NCS1: variants seen among roughly 807,000 people sequenced by gnomAD.
The protein encoded by NCS1 is neuronal calcium sensor 1, also known as frequenin homolog.
A neutral mutation model predicts 28.4 loss-of-function variants in NCS1; 6 were observed. That is an observed-to-expected ratio of 0.21 (90% CI 0.12 to 0.42). NCS1 has a LOEUF of 0.42. Ranked by LOEUF, NCS1 falls within the 10% of genes least tolerant of loss-of-function variation. The pLI is 1.00. For synonymous variants in NCS1, 86 were observed against 99.3 expected (o/e 0.87, Z 0.79); for missense variants, 131 against 241.4 (o/e 0.54, Z 3.03).
Position 130,180,465 on chromosome 9 carries a change from T to C in NCS1, c.64+7738T>C, listed in dbSNP as rs1188735738. ...CATCATCATTATGGTCATAACAAGA[T>C]GAATCAATTTTCACATTCTGTGTGT... is the stretch of plus-strand genomic sequence containing the variant. On this transcript the variant is annotated intron_variant, in intron 1 of 7. Coordinates refer to ENST00000372398, the MANE Select transcript of NCS1 (RefSeq NM_014286.4). This position sits in a 1 kb window ranked among gnomAD's most constrained non-coding sequence, Gnocchi z 4.5. Among the ~76,000 whole-genome samples the C allele has an allele frequency of 2.6e-5, 4 of 152,196 alleles. No homozygotes were observed. In the East Asian group the frequency reaches 7.7e-4, roughly 29 times the overall value.
In NCS1 at chr9:130,180,021, A is replaced by G. The variant is rs532550484; in HGVS notation, c.64+7294A>G. Among the ~76,000 whole-genome samples, 443 of 151,404 alleles carry G rather than the reference A, an allele frequency of 2.9e-3. 1 individual carries two copies. The highest frequency in any genetic ancestry group is 4.9e-3 in the Non-Finnish European group (336 of 67,890). ...TATCTATCTATCTATCTATCTATCTATCTATCTATCTATCTATCTATCTAT... is the reference window on the plus strand; with the variant it reads ...TATCTATCTATCTATCTATCTATCTGTCTATCTATCTATCTATCTATCTAT... On this transcript the variant is annotated intron_variant, in intron 1 of 7. Coordinates refer to ENST00000372398, the MANE Select transcript of NCS1 (RefSeq NM_014286.4). The surrounding 1 kb of genome is among the most constrained non-coding windows in gnomAD (Gnocchi z 4.5).
At chr9:130,196,311 A>T (rs1366151709) in intron 1 of NCS1, among the ~76,000 whole-genome samples, 3 of 152,190 alleles carry the variant, frequency 2.0e-5, no homozygotes, top group Non-Finnish European at 4.4e-5. Flanking sequence ...TGGTGCAGGG[A>T]TGCCTCTGTG....
Position 130,209,406 on chromosome 9 carries a change from C to T in NCS1, c.89+8424C>T, listed in dbSNP as rs974082120. On this transcript the variant is annotated intron_variant, in intron 2 of 7. Coordinates refer to ENST00000372398, the MANE Select transcript of NCS1 (RefSeq NM_014286.4). The surrounding 1 kb of genome is among the most constrained non-coding windows in gnomAD (Gnocchi z 4.4). ...AGGCCTGGCAGTGCGGGGGCTTGCTCAGGCCCTCAGAGAACTAGAGGCCAA... is the reference window on the plus strand; with the variant it reads ...AGGCCTGGCAGTGCGGGGGCTTGCTTAGGCCCTCAGAGAACTAGAGGCCAA... 1.3e-5 allele frequency among the ~76,000 whole-genome samples: 2 copies of T among 152,190 alleles called. No individual in the cohort carries two copies. Among genetic ancestry groups the T allele is most frequent in the Non-Finnish European group, 2.9e-5 (2 of 68,028 alleles).
intron 1 of NCS1, among the ~76,000 whole-genome samples, chr9:130,188,987 G>A (rs372872729): frequency 6.6e-6 from 1 of 152,220 alleles, no homozygotes; most frequent in Non-Finnish European, 1.5e-5. Flanking sequence ...AAAGTGCTGG[G>A]ATTACAGGCA....
intron 2 of NCS1, among the ~76,000 whole-genome samples, chr9:130,204,029 G>C (rs1160160045): frequency 6.6e-6 from 1 of 151,962 alleles, no homozygotes; most frequent in African/African-American, 2.4e-5. Context: ...GTCTCGCCTT[G>C]TTGCCCAGGC....
chr9:130,188,819 C>T (rs1409514693), intron 1 of NCS1, among the ~76,000 whole-genome samples: 3 of 151,634 alleles, frequency 2.0e-5, no homozygotes, highest in African/African-American at 4.8e-5. Context: ...TGGGTTCAAG[C>T]GATTCTCCTG....
intron 1 of NCS1, among the ~76,000 whole-genome samples, chr9:130,187,383 C>G (rs1045541557): frequency 6.6e-6 from 1 of 152,070 alleles, no homozygotes; most frequent in Non-Finnish European, 1.5e-5. Flanking sequence ...AGGTCAGGGC[C>G]GAGCCTCCAC....
At chr9:130,224,867 G>A (rs1833389914) in intron 6 of NCS1, among the ~76,000 whole-genome samples, 1 of 152,162 alleles carries the variant, frequency 6.6e-6, no homozygotes, top group Non-Finnish European at 1.5e-5. Flanking sequence ...ATGACGTTAG[G>A]GAAATCCAGG....
intron 2 of NCS1, among the ~76,000 whole-genome samples, chr9:130,217,207 G>A (rs547381358): frequency 1.4e-4 from 22 of 152,344 alleles, no homozygotes; most frequent in East Asian, 3.9e-4. Flanking sequence ...CCATTCCGGC[G>A]TCAGCCACGT....
In NCS1 at chr9:130,180,128, G is replaced by A. The variant is rs151030312; in HGVS notation, c.64+7401G>A. 0.015 allele frequency among the ~76,000 whole-genome samples: 2,317 copies of A among 152,140 alleles called. 30 individuals are homozygous for A. The highest frequency in any genetic ancestry group is 0.018 in the Non-Finnish European group (1,215 of 68,008). ...CGGCTCACTATAATCGCCACCTCCCGGGTTCAAGCTGTTCTCCTGCCTCAG... is the reference window on the plus strand; with the variant it reads ...CGGCTCACTATAATCGCCACCTCCCAGGTTCAAGCTGTTCTCCTGCCTCAG... On this transcript the variant is annotated intron_variant, in intron 1 of 7. Transcript: ENST00000372398. The surrounding 1 kb of genome is among the most constrained non-coding windows in gnomAD (Gnocchi z 4.5).
chr9:130,234,735 C>T lies in NCS1; in HGVS notation c.*1763C>T, dbSNP rs782753235. 2 of 152,352 alleles carry T rather than the reference C, an allele frequency of 1.3e-5. No individual in the cohort carries two copies. The highest frequency in any genetic ancestry group is 2.9e-5 in the Non-Finnish European group (2 of 68,178). The allele number at this position is 152,352 out of a possible 1,614,324, so 9.4% of individuals were successfully genotyped here. Reference sequence around the variant, plus strand: ...TCCAGCAGATGAATGTGTCATGTGGCACACCTTGTCCCTTCCCGCAGCATT... The same window carrying T: ...TCCAGCAGATGAATGTGTCATGTGGTACACCTTGTCCCTTCCCGCAGCATT... On this transcript the variant is annotated 3_prime_UTR_variant, in exon 8 of 8. Transcript: ENST00000372398. This position sits in a 1 kb window ranked among gnomAD's most constrained non-coding sequence, Gnocchi z 6.1.
chr9:130,182,499 CAGG>C (rs1385127249), intron 1 of NCS1, among the ~76,000 whole-genome samples: 1 of 152,204 alleles, frequency 6.6e-6, no homozygotes, highest in Non-Finnish European at 1.5e-5. Context: ...CTGCCTCCTG[CAGG>C]AGATTTGGGG....
intron 4 of NCS1, 64 bp from the exon 5 acceptor site, chr9:130,222,586 C>A (rs936540711): frequency 2.2e-6 from 3 of 1,359,002 alleles, no homozygotes; most frequent in African/African-American, 1.4e-5. Context: ...AGAGGAGGGG[C>A]GAGTTGAAGA....
intron 6 of NCS1, among the ~76,000 whole-genome samples, chr9:130,225,858 C>T (rs1038956129): frequency 3.3e-5 from 5 of 152,102 alleles, no homozygotes; most frequent in African/African-American, 7.2e-5. Flanking sequence ...AGAGATGCTC[C>T]GGGGAAGGGA....
chr9:130,177,786 C>A lies in NCS1; in HGVS notation c.64+5059C>A, dbSNP rs781875654. The stretch of plus-strand genomic sequence containing the variant: ...ATGGATCTAAACAGGAGAAGCTTTG[C>A]AGTCCGGGGAGCGGGCCAGAAAGAC... On this transcript the variant is annotated intron_variant, in intron 1 of 7. Transcript: ENST00000372398. The surrounding 1 kb of genome is among the most constrained non-coding windows in gnomAD (Gnocchi z 4.4). 6.6e-6 allele frequency among the ~76,000 whole-genome samples: 1 copy of A among 152,206 alleles called. No individual in the cohort carries two copies. Among genetic ancestry groups the A allele is most frequent in the Non-Finnish European group, 1.5e-5 (1 of 68,038 alleles).
intron 1 of NCS1, among the ~76,000 whole-genome samples, chr9:130,195,620 C>T (rs1832868135): frequency 6.6e-6 from 1 of 152,226 alleles, no homozygotes; most frequent in South Asian, 2.1e-4. Context: ...GACAGGGTTT[C>T]ACCATGTTGG....
At chr9:130,179,403 A>G (rs1430501630) in intron 1 of NCS1, among the ~76,000 whole-genome samples, 1 of 152,132 alleles carries the variant, frequency 6.6e-6, no homozygotes, top group Admixed American at 6.5e-5. Context: ...ATCTCCTGTC[A>G]TTGGACAGTT....
At chr9:130,190,971 C>T (rs1210433711) in intron 1 of NCS1, among the ~76,000 whole-genome samples, 1 of 152,208 alleles carries the variant, frequency 6.6e-6, no homozygotes, top group African/African-American at 2.4e-5. Context: ...CCACTTCCTG[C>T]GGGAGCGGCA....
rs1005860993 is a variant in NCS1 at position 130,191,431 on chromosome 9, G to A, written c.65-9527G>A. ...TCCCCCAACAGGTGAAATACCCCCC[G>A]ATTCGAGTGCTCAGCCTTCCTCCCA... On this transcript the variant is annotated intron_variant, in intron 1 of 7. Coordinates refer to ENST00000372398, the MANE Select transcript of NCS1 (RefSeq NM_014286.4). The surrounding 1 kb of genome is among the most constrained non-coding windows in gnomAD (Gnocchi z 6.4). Among the ~76,000 whole-genome samples, 4 of 152,294 alleles carry A rather than the reference G, an allele frequency of 2.6e-5. No homozygotes were observed. Among genetic ancestry groups the A allele is most frequent in the South Asian group, 2.1e-4 (1 of 4,826 alleles).
Sources: gnomAD v4.1 joint callset for allele counts (sites outside exome capture counted in the v4.1 genomes callset) on GRCh38, gnomAD v4.1.1 for gene constraint, Gnocchi (gnomAD v3.1) non-coding constraint, MANE v1.5 for transcripts, NCBI Gene and HGNC (gene_info 2026-07-23, HGNC 2026-07-21) for gene names.